KCNC3: variants seen among roughly 807,000 people sequenced by gnomAD.
KCNC3 encodes the protein potassium voltage-gated channel subfamily C member 3.
Under a neutral mutation model 43.9 loss-of-function variants are expected in KCNC3, and 22 were observed. The ratio of observed to expected loss-of-function variants is 0.50; its 90% CI spans 0.36 to 0.72. The LOEUF is 0.72. Among genes scored for constraint, KCNC3 ranks in the 30% least tolerant of loss-of-function variants. KCNC3 has a pLI of 0.00. For missense variants in KCNC3, 829 were observed against 1,073.8 expected, an observed-to-expected ratio of 0.77 and a Z score of 3.19; for synonymous variants, 492 against 488.0, an observed-to-expected ratio of 1.01 and a Z score of -0.11.
At chr19:50,320,873 A>ATC (rs1189646990) in intron 2 of KCNC3, 89 bp from the exon 3 acceptor site, 1 of 1,266,814 alleles carries the variant, frequency 7.9e-7, no homozygotes, top group East Asian at 2.5e-5. Flanking sequence ...CGAGGAGCAG[A>ATC]TGCTGGGATG....
chr19:50,322,200 C>A (rs746491017), intron 2 of KCNC3, among the ~76,000 whole-genome samples: 4 of 152,148 alleles, frequency 2.6e-5, no homozygotes, highest in Non-Finnish European at 5.9e-5. Context: ...CAAGCCACTG[C>A]CTCTGAGGCA....
intron 2 of KCNC3, among the ~76,000 whole-genome samples, chr19:50,322,324 C>T (rs2123530833): frequency 6.6e-6 from 1 of 152,280 alleles, no homozygotes; most frequent in South Asian, 2.1e-4. Context: ...CTTTGGGACC[C>T]TCCCAGGCTG....
At position 50,323,304 on chromosome 19, in the gene KCNC3, A is replaced by G. The variant is rs746396825; in HGVS notation, c.1649T>C (p.Met550Thr). ...CTTCTTGGGCAGCTTCTGCTTGGCC[A>G]TGGCCAGCGAATAGTACATGCCAAA... ...NNFGMYYSLA[M>T]AKQKLPKKKN... is the part of the protein sequence containing the mutation. The change falls in exon 2 of 5, where the codon ATG becomes ACG. Residue 550 changes from methionine (M) to threonine (T), a missense_variant. Met to Thr is a moderately conservative substitution (Grantham distance 81). Around this residue, in one of 7 missense-constraint regions of KCNC3, gnomAD observed 33 missense variants for 96.0 expected, o/e 0.34. Coordinates refer to ENST00000477616, the MANE Select transcript of KCNC3 (RefSeq NM_004977.3). The G allele has an allele frequency of 6.2e-7, 1 of 1,612,414 alleles. No homozygotes were observed. Among genetic ancestry groups the G allele is most frequent in the Admixed American group, 1.7e-5 (1 of 60,026 alleles).
chr19:50,320,762 C>A lies in KCNC3; in HGVS notation c.2001G>T (p.Pro667=). The A allele has an allele frequency of 6.2e-7, 1 of 1,613,858 alleles. No individual in the cohort carries two copies. The highest frequency in any genetic ancestry group is 8.5e-7 in the Non-Finnish European group (1 of 1,179,950). ...NRADPRPNGD[P]AAAALAHEDC... ...CCTCGTGGGCAAGCGCAGCTGCTGCCGGATCCCCATTGGGGCGAGGATCTG... is the reference window on the plus strand; with the variant it reads ...CCTCGTGGGCAAGCGCAGCTGCTGCAGGATCCCCATTGGGGCGAGGATCTG... The change falls in exon 3 of 5, where the codon CCG becomes CCT. Residue 667 remains proline (P), a synonymous_variant. Transcript: ENST00000477616.
chr19:50,330,845 C>T (rs1406808445), upstream of KCNC3, among the ~76,000 whole-genome samples: 1 of 152,016 alleles, frequency 6.6e-6, no homozygotes, highest in Non-Finnish European at 1.5e-5. Context: ...GCCCCCTGGG[C>T]GGTCGTAGGC....
rs1221600339 is a variant in KCNC3, at chr19:50,329,020, C to T, written c.63G>A (p.Pro21=). 1 of 1,312,304 alleles carries T rather than the reference C, an allele frequency of 7.6e-7. No individual in the cohort carries two copies. The highest frequency in any genetic ancestry group is 9.7e-7 in the Non-Finnish European group (1 of 1,026,094). 81.3% of individuals were successfully genotyped at this position (1,312,304 alleles called of 1,614,324 possible). ...ACTCGGGCGGCTGCGGCGGTGGCGC[C>T]GGCTGCTGCTTGCTGGCCCCCTGGC... ...RGRQGASKQQ[P]APPPQPPESP... Residue 21 remains proline, a synonymous_variant, in exon 1 of 5, where the codon CCG becomes CCA. Coordinates refer to ENST00000477616, the MANE Select transcript of KCNC3 (RefSeq NM_004977.3).
chr19:50,330,369 T>C (rs1263097074), upstream of KCNC3, among the ~76,000 whole-genome samples: 1 of 151,366 alleles, frequency 6.6e-6, no homozygotes, highest in African/African-American at 2.4e-5. Context: ...GCAACCAGGG[T>C]AGGCGAGGGC....
intron 4 of KCNC3, 80 bp from the exon 5 acceptor site, chr19:50,316,171 G>C (rs2036950646): frequency 2.5e-6 from 1 of 397,578 alleles, no homozygotes; most frequent in East Asian, 3.7e-5. Flanking sequence ...CTCACTGTTG[G>C]GGGGATGGAG....
chr19:50,329,094 C>T lies in KCNC3; in HGVS notation c.-12G>A. 1 of 69,700 alleles carries T rather than the reference C, an allele frequency of 1.4e-5. No homozygotes were observed. Among genetic ancestry groups the T allele is most frequent in the Non-Finnish European group, 2.3e-5 (1 of 42,906 alleles). The allele number at this position is 69,700 out of a possible 1,614,324, so 4.3% of individuals were successfully genotyped here. On this transcript the variant is annotated 5_prime_UTR_variant, in exon 1 of 5. Coordinates refer to ENST00000477616, the MANE Select transcript of KCNC3 (RefSeq NM_004977.3). ...ACTGAGCTCAGCATTGGACGGGGGG[C>T]GGGGCGGGAGGGGCGGGGACGCAGG... is the stretch of plus-strand genomic sequence containing the variant.
chr19:50,331,357 G>A (rs919890864), upstream of KCNC3, among the ~76,000 whole-genome samples: 1 of 146,816 alleles, frequency 6.8e-6, no homozygotes, highest in Admixed American at 7.1e-5. Flanking sequence ...GCTCTGTACC[G>A]CACTCCCTGG....
Position 50,324,558 on chromosome 19 carries a change from A to G in KCNC3, c.871-476T>C, listed in dbSNP as rs1340086097. Among the ~76,000 whole-genome samples the G allele has an allele frequency of 6.6e-6, 1 of 152,174 alleles. No individual in the cohort carries two copies. Among genetic ancestry groups the G allele is most frequent in the African/African-American group, 2.4e-5 (1 of 41,450 alleles). ...ACGGGAAGGGAGAAGGCGGGCAGGG[A>G]GGCAGAATCGTGAGGTGGTTAAGAG... On this transcript the variant is annotated intron_variant, in intron 1 of 4. Transcript: ENST00000477616. This position sits in a 1 kb window ranked among gnomAD's most constrained non-coding sequence, Gnocchi z 4.1.
intron 1 of KCNC3, among the ~76,000 whole-genome samples, chr19:50,325,735 G>T (rs1295874501): frequency 1.3e-5 from 2 of 152,000 alleles, no homozygotes; most frequent in Admixed American, 6.6e-5. Context: ...GGGCCGGGGG[G>T]CGGGGCGCAC....
chr19:50,312,307 T>C lies in KCNC3; in HGVS notation c.*3808A>G, dbSNP rs1207320632. 4 of 147,104 alleles carry C rather than the reference T, an allele frequency of 2.7e-5. No individual in the cohort carries two copies. The highest frequency in any genetic ancestry group is 1.0e-4 in the African/African-American group (4 of 40,018). The allele number at this position is 147,104 out of a possible 1,614,324, so 9.1% of individuals were successfully genotyped here. On this transcript the variant is annotated 3_prime_UTR_variant, in exon 5 of 5. Transcript: ENST00000477616. Reference sequence around the variant, plus strand: ...AGTGAGAGAAACTTATTGCTCTGTGTGTGTGTGTGTGTGTGTTGGGGAGGG... The same window carrying C: ...AGTGAGAGAAACTTATTGCTCTGTGCGTGTGTGTGTGTGTGTTGGGGAGGG...
At chr19:50,316,539 G>A (rs2036956791) in intron 4 of KCNC3, among the ~76,000 whole-genome samples, 3 of 152,022 alleles carry the variant, frequency 2.0e-5, no homozygotes, top group East Asian at 3.9e-4. Flanking sequence ...CCAGGAGTTC[G>A]AGACCAGCCT....
At chr19:50,332,948 G>A (rs868828771), upstream of KCNC3, among the ~76,000 whole-genome samples, 1 of 151,964 alleles carries the variant, frequency 6.6e-6, no homozygotes, top group African/African-American at 2.4e-5. This position sits in a 1 kb window ranked among gnomAD's most constrained non-coding sequence, Gnocchi z 5.8. Flanking sequence ...ATTCCCACCC[G>A]GTTCCATTCG....
Position 50,324,393 on chromosome 19 carries a change from C to G in KCNC3, c.871-311G>C, listed in dbSNP as rs1004733793. ...TGCTGTTTCCTAGACCACCTCCCCC[C>G]ACCCTCCTGTTCCCTGTGTCCTATT... is the stretch of plus-strand genomic sequence containing the variant. On this transcript the variant is annotated intron_variant, in intron 1 of 4. Transcript: ENST00000477616. The surrounding 1 kb of genome is among the most constrained non-coding windows in gnomAD (Gnocchi z 4.1). Among the ~76,000 whole-genome samples, 5 of 152,204 alleles carry G rather than the reference C, an allele frequency of 3.3e-5. No individual in the cohort carries two copies. Among genetic ancestry groups the G allele is most frequent in the Non-Finnish European group, 7.3e-5 (5 of 68,044 alleles).
upstream of KCNC3, among the ~76,000 whole-genome samples, chr19:50,330,634 A>T (rs3760718): frequency 0.061 from 9,343 of 152,052 alleles, 515 homozygotes; most frequent in African/African-American, 0.14. Context: ...AGGACTGGTG[A>T]GGAGGGGGCA....
Position 50,329,022 on chromosome 19 carries a change from G to T in KCNC3, c.61C>A (p.Pro21Thr), listed in dbSNP as rs1388469071. The T allele has an allele frequency of 1.5e-6, 2 of 1,333,736 alleles. No individual in the cohort carries two copies. The highest frequency in any genetic ancestry group is 1.9e-6 in the Non-Finnish European group (2 of 1,036,098). 82.6% of individuals were successfully genotyped at this position (1,333,736 alleles called of 1,614,324 possible). A position where few individuals can be genotyped will look rare whatever the true frequency, so the allele number is the denominator to read the frequency against. Reference sequence around the variant, plus strand: ...TCGGGCGGCTGCGGCGGTGGCGCCGGCTGCTGCTTGCTGGCCCCCTGGCGC... The same window carrying T: ...TCGGGCGGCTGCGGCGGTGGCGCCGTCTGCTGCTTGCTGGCCCCCTGGCGC... ...RGRQGASKQQ[P>T]APPPQPPESP... Residue 21 changes from proline (P) to threonine (T), a missense_variant, in exon 1 of 5, where the codon CCG (proline) becomes ACG (threonine). Coordinates refer to ENST00000477616, the MANE Select transcript of KCNC3 (RefSeq NM_004977.3).
At position 50,323,584 on chromosome 19, in the gene KCNC3, G is replaced by A. The variant is rs769975386; in HGVS notation, c.1369C>T (p.Leu457=). 1.9e-6 allele frequency: 3 copies of A among 1,614,248 alleles called. No individual in the cohort carries two copies. The highest frequency in any genetic ancestry group is 2.5e-6 in the Non-Finnish European group (3 of 1,180,042). The change falls in exon 2 of 5, where the codon CTG becomes TTG. Residue 457 remains leucine (L), a synonymous_variant. Coordinates refer to ENST00000477616, the MANE Select transcript of KCNC3 (RefSeq NM_004977.3). ...EFLLLIIFLA[L]GVLIFATMIY... is the part of the protein sequence containing the mutation. ...ATGGTGGCGAAGATGAGCACCCCCA[G>A]GGCCAGGAAGATGATGAGCAGCAGG... is the stretch of plus-strand genomic sequence containing the variant.
Sources: gnomAD v4.1 joint callset for allele counts (sites outside exome capture counted in the v4.1 genomes callset) on GRCh38, gnomAD v4.1.1 for gene constraint, gnomAD v4.1.1 regional missense constraint, Gnocchi (gnomAD v3.1) non-coding constraint, MANE v1.5 for transcripts, NCBI Gene and HGNC (gene_info 2026-07-23, HGNC 2026-07-21) for gene names.